Variants in CAMK2D observed in about 807,000 individuals in gnomAD.
CAMK2D encodes the protein calcium/calmodulin dependent protein kinase II delta, also known as calcium/calmodulin-dependent protein kinase type II subunit delta.
CAMK2D carries 37 observed loss-of-function variants against 84.0 expected under a neutral mutation model. The observed-to-expected ratio is 0.44, with a 90% confidence interval of 0.34 to 0.58. The LOEUF (loss-of-function observed/expected upper bound fraction) is 0.58, where lower values mean the gene tolerates loss of function less well. Among genes scored for constraint, CAMK2D ranks in the 20% least tolerant of loss-of-function variants. The pLI is 0.02. For synonymous variants in CAMK2D, 202 were observed against 212.5 expected (o/e 0.95, Z 0.43); for missense variants, 448 against 652.5 (o/e 0.69, Z 3.41).
intron 3 of CAMK2D, among the ~76,000 whole-genome samples, chr4:113,652,906 G>A (rs963407537): frequency 1.3e-5 from 2 of 152,038 alleles, no homozygotes; most frequent in Non-Finnish European, 2.9e-5. Context: ...CCAGTTTCAT[G>A]TATAAATCTA....
Position 113,566,299 on chromosome 4 carries a change from T to C in CAMK2D, c.276-14203A>G, listed in dbSNP as rs145626306. ...TACTTTTGCAATATATGTGTAGAGT[T>C]CAGTCATTTTTAAAAGTCCAATTTA... On this transcript the variant is annotated intron_variant, in intron 4 of 20. Transcript: ENST00000511664. Among the ~76,000 whole-genome samples, 49 of 152,338 alleles carry C rather than the reference T, an allele frequency of 3.2e-4. No homozygotes were observed. The East Asian group carries it at 9.3e-3, about 29-fold the overall frequency.
intron 12 of CAMK2D, 27 bp from the exon 13 acceptor site, chr4:113,509,702 A>C (rs746695260): frequency 5.1e-6 from 8 of 1,572,514 alleles, no homozygotes; most frequent in Non-Finnish European, 7.0e-6. Flanking sequence ...AAATCAGTTT[A>C]GTGAGTTATC....
At chr4:113,669,394 G>T (rs1232235263) in intron 2 of CAMK2D, among the ~76,000 whole-genome samples, 1 of 152,142 alleles carries the variant, frequency 6.6e-6, no homozygotes, top group Non-Finnish European at 1.5e-5. Context: ...CTAGGTGATG[G>T]GCTAAGGGGA....
In CAMK2D at chr4:113,580,996, T is replaced by C. The variant is rs143328665; in HGVS notation, c.275+28156A>G. Among the ~76,000 whole-genome samples the C allele has an allele frequency of 8.0e-4, 121 of 152,108 alleles. 2 individuals are homozygous for C. The East Asian group carries it at 0.023, about 29-fold the overall frequency. Reference sequence around the variant, plus strand: ...AATACCTAGGTGATGGGTTGATAGGTGCAGCAAACCACTATGGTACACGTC... The same window carrying C: ...AATACCTAGGTGATGGGTTGATAGGCGCAGCAAACCACTATGGTACACGTC... On this transcript the variant is annotated intron_variant, in intron 4 of 20. Transcript: ENST00000511664.
chr4:113,489,671 T>C (rs2097803806), intron 16 of CAMK2D, among the ~76,000 whole-genome samples: 1 of 149,958 alleles, frequency 6.7e-6, no homozygotes, highest in Non-Finnish European at 1.5e-5. Flanking sequence ...ATGGGATGGC[T>C]GGGTCAAATG....
chr4:113,574,251 A>T (rs1198192042), intron 4 of CAMK2D, among the ~76,000 whole-genome samples: 1 of 152,136 alleles, frequency 6.6e-6, no homozygotes, highest in African/African-American at 2.4e-5. Context: ...AAATTACTAG[A>T]CAGCCTCCTA....
In CAMK2D at chr4:113,481,831, T is replaced by C. The variant is rs184485828; in HGVS notation, c.1136-16227A>G. 3.9e-5 allele frequency among the ~76,000 whole-genome samples: 6 copies of C among 152,310 alleles called. No homozygotes were observed. The East Asian group carries it at 1.2e-3, about 29-fold the overall frequency. Reference sequence around the variant, plus strand: ...TAAAAGATCTCACAGAGAGGGTAACTTTTGATAACATTTGGTCAGAGACTT... The same window carrying C: ...TAAAAGATCTCACAGAGAGGGTAACCTTTGATAACATTTGGTCAGAGACTT... On this transcript the variant is annotated intron_variant, in intron 16 of 20. Coordinates refer to ENST00000511664, the MANE Select transcript of CAMK2D (RefSeq NM_001321571.2).
At chr4:113,526,346 G>A (rs78205469) in intron 8 of CAMK2D, among the ~76,000 whole-genome samples, 9,348 of 151,958 alleles carry the variant, frequency 0.062, 599 homozygotes, top group East Asian at 0.21. Context: ...AAGGTGAAAG[G>A]TGGCAAAATT....
chr4:113,486,407 G>A (rs887659960), intron 16 of CAMK2D, among the ~76,000 whole-genome samples: 4 of 152,246 alleles, frequency 2.6e-5, no homozygotes, highest in Non-Finnish European at 4.4e-5. Flanking sequence ...TTACGGGTAT[G>A]AGCCACTGGG....
chr4:113,618,004 C>T (rs1344864664), intron 3 of CAMK2D, among the ~76,000 whole-genome samples: 1 of 151,972 alleles, frequency 6.6e-6, no homozygotes, highest in Non-Finnish European at 1.5e-5. Flanking sequence ...TATACTCTAG[C>T]TCACAGTAAG....
intron 3 of CAMK2D, among the ~76,000 whole-genome samples, chr4:113,639,534 C>T (rs2099123836): frequency 6.6e-6 from 1 of 151,992 alleles, no homozygotes; most frequent in Non-Finnish European, 1.5e-5. Context: ...TGACTCACTC[C>T]TTCAGCCAGG....
At chr4:113,455,684 C>G in intron 20 of CAMK2D, 42 bp downstream of exon 20, 2 of 1,103,078 alleles carry the variant, frequency 1.8e-6, no homozygotes, top group African/African-American at 1.5e-5. Flanking sequence ...GCTTTTCATT[C>G]AGCTCCAGTC....
chr4:113,758,334 AATTTGCAAT>A (rs536270505), intron 2 of CAMK2D, among the ~76,000 whole-genome samples: 15 of 152,184 alleles, frequency 9.9e-5, no homozygotes, highest in Non-Finnish European at 2.2e-4. Context: ...TTAAAAGTAG[AATTTGCAAT>A]AAATATGGAA....
intron 15 of CAMK2D, among the ~76,000 whole-genome samples, chr4:113,501,297 A>G (rs2098040309): frequency 6.6e-6 from 1 of 152,014 alleles, no homozygotes; most frequent in Non-Finnish European, 1.5e-5. Flanking sequence ...ATTAAGATAC[A>G]TTTCTTAAAA....
intron 2 of CAMK2D, among the ~76,000 whole-genome samples, chr4:113,731,535 G>A (rs1429129388): frequency 6.7e-6 from 1 of 150,034 alleles, no homozygotes; most frequent in Non-Finnish European, 1.5e-5. Context: ...ATTTCTTGAT[G>A]ATGAAAAAAC....
At chr4:113,604,884 A>C (rs140151655) in intron 4 of CAMK2D, among the ~76,000 whole-genome samples, 9 of 152,344 alleles carry the variant, frequency 5.9e-5, no homozygotes, top group African/African-American at 2.2e-4. Context: ...GATATAAATA[A>C]TTTGATGACT....
chr4:113,615,075 T>G (rs2099015848), intron 3 of CAMK2D, among the ~76,000 whole-genome samples: 1 of 152,112 alleles, frequency 6.6e-6, no homozygotes, highest in Non-Finnish European at 1.5e-5. Context: ...TTTCAAAGAT[T>G]GAGGTAGTTG....
intron 4 of CAMK2D, among the ~76,000 whole-genome samples, chr4:113,588,072 GTCTT>G (rs1419589230): frequency 1.3e-5 from 2 of 152,042 alleles, no homozygotes; most frequent in Non-Finnish European, 2.9e-5. Flanking sequence ...AAACAAAAGA[GTCTT>G]TCTTTCCAGA....
At chr4:113,532,770 G>A (rs892933145) in intron 7 of CAMK2D, among the ~76,000 whole-genome samples, 1 of 152,130 alleles carries the variant, frequency 6.6e-6, no homozygotes, top group African/African-American at 2.4e-5. Context: ...CTCCTTCTGA[G>A]CCCTTGACCT....
Sources: gnomAD v4.1 joint callset for allele counts (sites outside exome capture counted in the v4.1 genomes callset) on GRCh38, gnomAD v4.1.1 for gene constraint, MANE v1.5 for transcripts, NCBI Gene and HGNC (gene_info 2026-07-23, HGNC 2026-07-21) for gene names.